The following GLDC variants were observed in gnomAD, a reference collection of about 807,000 sequenced individuals.
GLDC encodes glycine dehydrogenase (decarboxylating), mitochondrial.
In GLDC, 104 loss-of-function variants were observed where a neutral mutation model predicts 121.3. The observed-to-expected ratio is 0.86, with a 90% CI of 0.73 to 1.01. The LOEUF (loss-of-function observed/expected upper bound fraction) is 1.01. Ranked by LOEUF, GLDC falls within the 50% of genes least tolerant of loss-of-function variation. The pLI, the probability that GLDC is intolerant of heterozygous loss-of-function variation, is 0.00. For synonymous variants in GLDC, 546 were observed against 480.6 expected, an observed-to-expected ratio of 1.14 and a Z score of -1.78; for missense variants, 1,429 against 1,306.6, an observed-to-expected ratio of 1.09 and a Z score of -1.44.
chr9:6,581,184 C>T (rs970250778), intron 15 of GLDC, among the ~76,000 whole-genome samples: 2 of 152,134 alleles, frequency 1.3e-5, no homozygotes, highest in South Asian at 2.1e-4. Flanking sequence ...CAGTCCTTCC[C>T]GGGCAACGAA....
intron 2 of GLDC, among the ~76,000 whole-genome samples, chr9:6,637,255 A>T (rs112738370): frequency 1.9e-4 from 29 of 151,756 alleles, no homozygotes; most frequent in African/African-American, 6.3e-4. Flanking sequence ...AATATACAAA[A>T]ATTAGACAGG....
intron 2 of GLDC, among the ~76,000 whole-genome samples, chr9:6,621,272 G>C (rs2164953): frequency 0.011 from 1,701 of 152,290 alleles, 46 homozygotes; most frequent in South Asian, 0.052. Flanking sequence ...CTTGGATGCA[G>C]GTGGGACCCT....
chr9:6,635,701 C>T (rs952606707), intron 2 of GLDC, among the ~76,000 whole-genome samples: 1 of 151,742 alleles, frequency 6.6e-6, no homozygotes, highest in Non-Finnish European at 1.5e-5. Context: ...ATTGAGACCC[C>T]CATGTCTACA....
intron 2 of GLDC, among the ~76,000 whole-genome samples, chr9:6,626,580 T>C (rs1295158064): frequency 6.6e-6 from 1 of 152,218 alleles, no homozygotes; most frequent in Non-Finnish European, 1.5e-5. Flanking sequence ...TTTAAAAATT[T>C]CAAGTGTTTC....
rs142099123 is a variant in GLDC at position 6,592,921 on chromosome 9, C to T, written c.1331G>A (p.Cys444Tyr). ...FFDTLKIQCG[C>Y]SVKEVLGRAA... ...CCTGCCCAAGACCTCCTTCACTGAGCAGCCACACTGAATCTTCAAGGTATC... is the reference window on the plus strand; with the variant it reads ...CCTGCCCAAGACCTCCTTCACTGAGTAGCCACACTGAATCTTCAAGGTATC... The change falls in exon 10 of 25, where the codon TGC becomes TAC. Residue 444 changes from cysteine (C) to tyrosine (Y), a missense_variant. Physicochemically the swap from Cys to Tyr is radical, Grantham distance 194 (BLOSUM62 -2). Coordinates refer to ENST00000321612, the MANE Select transcript of GLDC (RefSeq NM_000170.3). The T allele has an allele frequency of 4.3e-4, 697 of 1,613,964 alleles. 4 individuals are homozygous for T. The African/African-American group carries it at 8.7e-3, about 20-fold the overall frequency.
chr9:6,539,712 A>C (rs1367397688), intron 22 of GLDC, among the ~76,000 whole-genome samples: 1 of 151,666 alleles, frequency 6.6e-6, no homozygotes, highest in Non-Finnish European at 1.5e-5. Flanking sequence ...TGGCTATAAA[A>C]CTCCAATGCC....
chr9:6,575,484 C>T (rs975562752), intron 15 of GLDC, among the ~76,000 whole-genome samples: 12 of 152,196 alleles, frequency 7.9e-5, no homozygotes. Flanking sequence ...GAATCAGAAA[C>T]TCTGTAGGGT....
At chr9:6,643,797 G>A (rs1488435771) in intron 2 of GLDC, among the ~76,000 whole-genome samples, 1 of 151,902 alleles carries the variant, frequency 6.6e-6, no homozygotes, top group Non-Finnish European at 1.5e-5. Flanking sequence ...ATTTTGGGAG[G>A]CCGAGGCAGA....
At chr9:6,560,717 T>C (rs578059607) in intron 16 of GLDC, among the ~76,000 whole-genome samples, 49 of 152,242 alleles carry the variant, frequency 3.2e-4, no homozygotes, top group African/African-American at 1.2e-3. Context: ...CACAAACATA[T>C]AAAAACGTCA....
chr9:6,588,064 T>C (rs1818305506), intron 14 of GLDC, among the ~76,000 whole-genome samples: 1 of 132,634 alleles, frequency 7.5e-6, no homozygotes, highest in African/African-American at 2.9e-5. Flanking sequence ...CTACCTGAGA[T>C]TTAGAACTAT....
At chr9:6,636,869 A>C (rs550308155) in intron 2 of GLDC, among the ~76,000 whole-genome samples, 6 of 152,122 alleles carry the variant, frequency 3.9e-5, no homozygotes, top group Non-Finnish European at 8.8e-5. Context: ...AGATCACTTG[A>C]GGTCAGGAGT....
Position 6,645,543 on chromosome 9 carries a change from G to A in GLDC, c.-44C>T. On this transcript the variant is annotated 5_prime_UTR_variant, in exon 1 of 25. Coordinates refer to ENST00000321612, the MANE Select transcript of GLDC (RefSeq NM_000170.3). ...CTGCCCCGGCCCGCAAGGGTCAGCC[G>A]CGCTCTTGGCCCCTCTCCTGGCCTC... The A allele has an allele frequency of 7.8e-7, 1 of 1,287,170 alleles. No individual in the cohort carries two copies. Among genetic ancestry groups the A allele is most frequent in the South Asian group, 2.0e-5 (1 of 49,250 alleles). The allele number at this position is 1,287,170 out of a possible 1,614,324, so 79.7% of individuals were successfully genotyped here. A position where few individuals can be genotyped will look rare whatever the true frequency, so the allele number is the denominator to read the frequency against.
In GLDC at chr9:6,592,787, C is replaced by A; in HGVS notation, c.1401+64G>T. On this transcript the variant is annotated intron_variant, in intron 10 of 24. Coordinates refer to ENST00000321612, the MANE Select transcript of GLDC (RefSeq NM_000170.3). The stretch of plus-strand genomic sequence containing the variant: ...TTATTTTTTAAAAACAAAGAGAAAA[C>A]CTTTTAATGAGAAACAATGTGAAAA... 4.1e-6 allele frequency: 6 copies of A among 1,468,624 alleles called. No individual in the cohort carries two copies. The Admixed American group carries it at 5.2e-5, about 13-fold the overall frequency. The allele number at this position is 1,468,624 out of a possible 1,614,324, so 91.0% of individuals were successfully genotyped here.
chr9:6,582,721 C>T (rs1262300081), intron 15 of GLDC, among the ~76,000 whole-genome samples: 7 of 151,068 alleles, frequency 4.6e-5, no homozygotes, highest in African/African-American at 1.5e-4. Flanking sequence ...CCCAGCTACT[C>T]GGGAGGGTGA....
At chr9:6,628,663 C>A (rs1371355672) in intron 2 of GLDC, among the ~76,000 whole-genome samples, 2 of 152,166 alleles carry the variant, frequency 1.3e-5, no homozygotes, top group Non-Finnish European at 2.9e-5. Context: ...ATTGCTTGAG[C>A]CTGGGAGGTG....
At chr9:6,583,676 A>T (rs1479539528) in intron 15 of GLDC, among the ~76,000 whole-genome samples, 2 of 152,190 alleles carry the variant, frequency 1.3e-5, no homozygotes, top group Non-Finnish European at 2.9e-5. Context: ...ACCCTGTCTG[A>T]AAAAAAGAAA....
At chr9:6,588,507 C>T in intron 13 of GLDC, 65 bp from the exon 14 acceptor site, 5 of 1,485,988 alleles carry the variant, frequency 3.4e-6, no homozygotes, top group Non-Finnish European at 4.7e-6. Context: ...ATCAACCCTC[C>T]ATTCTCCCAG....
In GLDC at chr9:6,565,484, T is replaced by C. The variant is rs112077174; in HGVS notation, c.1851-55A>G. ...GTTAGGTCTTCTGGCTTTCATTTAC[T>C]CATTCAATATTTATTGGGCCCTGGC... is the stretch of plus-strand genomic sequence containing the variant. On this transcript the variant is annotated intron_variant, in intron 15 of 24. Transcript: ENST00000321612. 6 of 1,346,762 alleles carry C rather than the reference T, an allele frequency of 4.5e-6. No homozygotes were observed. The African/African-American group carries it at 5.7e-5, about 13-fold the overall frequency. 83.4% of individuals were successfully genotyped at this position (1,346,762 alleles called of 1,614,324 possible).
chr9:6,625,328 G>A (rs779789573), intron 2 of GLDC, among the ~76,000 whole-genome samples: 2 of 152,280 alleles, frequency 1.3e-5, no homozygotes, highest in African/African-American at 2.4e-5. Flanking sequence ...TTGCAGTCAC[G>A]TTGTTCCACA....
Sources: allele counts gnomAD v4.1 joint callset (sites outside exome capture counted in the v4.1 genomes callset), GRCh38; gene constraint gnomAD v4.1.1; transcripts MANE v1.5; gene names NCBI Gene and HGNC (gene_info 2026-07-23, HGNC 2026-07-21).